SLC1A6: variants seen among roughly 807,000 people sequenced by gnomAD.
SLC1A6 encodes excitatory amino acid transporter 4.
Under a neutral mutation model 42.1 loss-of-function variants are expected in SLC1A6, and 15 were observed. That is an observed-to-expected ratio of 0.36 (90% confidence interval 0.24 to 0.55). The LOEUF is 0.55. Among genes scored for constraint, SLC1A6 ranks in the 20% least tolerant of loss-of-function variants. The probability of loss-of-function intolerance (pLI) is 0.88; values close to 1 mark genes in which losing one functional copy is unlikely to be tolerated. For missense variants in SLC1A6, 542 were observed against 772.5 expected, an observed-to-expected ratio of 0.70 and a Z score of 3.54; for synonymous variants, 317 against 319.7, an observed-to-expected ratio of 0.99 and a Z score of 0.09.
At chr19:14,963,703 T>C (rs549338002) in intron 5 of SLC1A6, among the ~76,000 whole-genome samples, 1 of 152,214 alleles carries the variant, frequency 6.6e-6, no homozygotes, top group Non-Finnish European at 1.5e-5. Context: ...ACAAGCTCCC[T>C]GAGCAATGCT....
Position 14,968,391 on chromosome 19 carries a change from G to T in SLC1A6, c.460C>A (p.His154Asn), listed in dbSNP as rs1186256077. 2 of 1,613,702 alleles carry T rather than the reference G, an allele frequency of 1.2e-6. No homozygotes were observed. Among genetic ancestry groups the T allele is most frequent in the African/African-American group, 1.3e-5 (1 of 74,906 alleles). Reference protein sequence around the residue: ...FIGILMVTIIHPGKGSKEGLH... With the variant: ...FIGILMVTIINPGKGSKEGLH... ...CCCTCCTTGGAGCCCTTCCCGGGAT[G>T]GATGATGGTGACCATGAGGATGCCG... is the stretch of plus-strand genomic sequence containing the variant. Residue 154 changes from histidine (H) to asparagine (N), a missense_variant, in exon 4 of 10, where the codon CAT (histidine) becomes AAT (asparagine). Transcript: ENST00000594383.
chr19:14,992,624 C>T (rs2045826067), intron 1 of SLC1A6, among the ~76,000 whole-genome samples: 1 of 151,252 alleles, frequency 6.6e-6, no homozygotes, highest in Non-Finnish European at 1.5e-5. Context: ...TGCCACTGCA[C>T]TCCATCTTGG....
intron 1 of SLC1A6, among the ~76,000 whole-genome samples, chr19:15,001,687 G>A (rs1305717188): frequency 1.3e-5 from 2 of 151,590 alleles, no homozygotes; most frequent in Non-Finnish European, 2.9e-5. Flanking sequence ...TTGAGACAGG[G>A]TCTCACTCTG....
chr19:14,991,118 C>T (rs925601854), intron 1 of SLC1A6, among the ~76,000 whole-genome samples: 4 of 152,136 alleles, frequency 2.6e-5, no homozygotes, highest in Middle Eastern at 3.4e-3. Flanking sequence ...TACAAAAGGC[C>T]ACATAAGTGT....
exon 1 of SLC1A6, chr19:15,010,521 C>T (rs548845514): frequency 3.3e-6 from 2 of 604,910 alleles, no homozygotes; most frequent in Admixed American, 2.2e-5. Flanking sequence ...CAGCTGGAAG[C>T]GCTTAGGACA....
rs1370852527 is a variant in SLC1A6 at position 14,986,586 on chromosome 19, T to C, written c.7-13669A>G. On this transcript the variant is annotated intron_variant, in intron 1 of 8. Coordinates refer to the SLC1A6 transcript ENST00000430939. ...TTGCTTTATCAAGTACAAGCCTAAA[T>C]GAAACTGGCTTTTTTTTTTTTTAAG... Among the ~76,000 whole-genome samples the C allele has an allele frequency of 2.6e-5, 3 of 114,822 alleles. No homozygotes were observed. In the East Asian group the frequency reaches 7.6e-4, roughly 29 times the overall value. The allele number at this position is 114,822 out of a possible 152,430, so 75.3% of individuals were successfully genotyped here.
At chr19:14,973,039 C>A in intron 1 of SLC1A6, 122 bp from the exon 2 acceptor site, 1 of 767,290 alleles carries the variant, frequency 1.3e-6, no homozygotes, top group Non-Finnish European at 2.1e-6. Context: ...GCGGGGGTGG[C>A]TGGGTGTTTT....
chr19:14,976,591 C>T (rs1247142338), intron 1 of SLC1A6, among the ~76,000 whole-genome samples: 1 of 152,060 alleles, frequency 6.6e-6, no homozygotes, highest in African/African-American at 2.4e-5. Flanking sequence ...TCACTGTTGG[C>T]CAGGCTGGTC....
In SLC1A6 at chr19:14,972,857, G is replaced by A; in HGVS notation, c.54C>T (p.Gly18=). 1.2e-6 allele frequency: 2 copies of A among 1,602,316 alleles called. No homozygotes were observed. Among genetic ancestry groups the A allele is most frequent in the East Asian group, 2.3e-5 (1 of 44,336 alleles). Residue 18 remains glycine (G), a synonymous_variant, in exon 2 of 10, where the codon GGC becomes GGT. Transcript: ENST00000594383. ...LFLRESGQRL[G]RVGWLQRLQE... is the part of the protein sequence containing the mutation. Reference sequence around the variant, plus strand: ...GCAGCCGCTGCAGCCAGCCCACCCGGCCCAGCCGCTGGCCGCTCTCCCGCA... The same window carrying A: ...GCAGCCGCTGCAGCCAGCCCACCCGACCCAGCCGCTGGCCGCTCTCCCGCA...
intron 3 of SLC1A6, among the ~76,000 whole-genome samples, chr19:14,970,516 C>G (rs2045626542): frequency 6.6e-6 from 1 of 151,470 alleles, no homozygotes; most frequent in Non-Finnish European, 1.5e-5. Context: ...TCGAGACCAT[C>G]CTGGCTAGCA....
chr19:14,970,974 C>CA (rs893253984), intron 3 of SLC1A6, among the ~76,000 whole-genome samples: 3 of 151,960 alleles, frequency 2.0e-5, no homozygotes, highest in African/African-American at 4.8e-5. Flanking sequence ...TACTAAAATA[C>CA]AAAAAATTAG....
At chr19:15,007,398 G>C (rs982667845) in intron 1 of SLC1A6, among the ~76,000 whole-genome samples, 1 of 152,192 alleles carries the variant, frequency 6.6e-6, no homozygotes, top group Non-Finnish European at 1.5e-5. Flanking sequence ...AGGGGAATGA[G>C]AGTGAGCGCT....
At chr19:14,954,056 C>T in intron 8 of SLC1A6, 79 bp downstream of exon 8, 4 of 1,129,828 alleles carry the variant, frequency 3.5e-6, no homozygotes, top group Middle Eastern at 2.1e-4. Context: ...AGGCCCCCTC[C>T]TCCCTCCCCA....
chr19:14,953,620 G>A (rs2045433466), intron 8 of SLC1A6, among the ~76,000 whole-genome samples: 1 of 152,172 alleles, frequency 6.6e-6, no homozygotes, highest in Non-Finnish European at 1.5e-5. Flanking sequence ...CATACTATAT[G>A]GAGATAGTAC....
At chr19:14,956,820 C>T (rs2045467251) in intron 6 of SLC1A6, 111 bp from the exon 7 acceptor site, 4 of 662,628 alleles carry the variant, frequency 6.0e-6, no homozygotes, top group South Asian at 1.9e-5. Context: ...CCACACAATA[C>T]CCATGATACG....
At chr19:14,986,023 T>A (rs2145228226) in intron 1 of SLC1A6, among the ~76,000 whole-genome samples, 1 of 151,454 alleles carries the variant, frequency 6.6e-6, no homozygotes, top group Non-Finnish European at 1.5e-5. Flanking sequence ...ATAGCTGAGG[T>A]TTGTCTGTCT....
intron 6 of SLC1A6, among the ~76,000 whole-genome samples, chr19:14,957,100 C>T (rs1296959032): frequency 2.6e-5 from 4 of 152,082 alleles, no homozygotes. Context: ...CTAAGCTTCC[C>T]TTATCTTCTG....
At chr19:15,003,275 G>A (rs1034892957) in intron 1 of SLC1A6, among the ~76,000 whole-genome samples, 1 of 152,112 alleles carries the variant, frequency 6.6e-6, no homozygotes, top group South Asian at 2.1e-4. Context: ...ACCGTGCCTG[G>A]CCTGCCTGAG....
intron 9 of SLC1A6, among the ~76,000 whole-genome samples, chr19:14,952,587 G>T (rs1488067468): frequency 6.6e-6 from 1 of 151,938 alleles, no homozygotes; most frequent in Admixed American, 6.5e-5. Flanking sequence ...ACCACGCCCA[G>T]CTAATTTTGT....
Sources: allele counts gnomAD v4.1 joint callset (sites outside exome capture counted in the v4.1 genomes callset), GRCh38; gene constraint gnomAD v4.1.1; transcripts MANE v1.5; gene names NCBI Gene and HGNC (gene_info 2026-07-23, HGNC 2026-07-21).